The following TSPEAR variants were observed in gnomAD, a reference collection of about 807,000 sequenced individuals.
TSPEAR encodes thrombospondin-type laminin G domain and EAR repeat-containing protein.
In TSPEAR, 69 loss-of-function variants were observed where a neutral mutation model predicts 71.6. That is an observed-to-expected ratio of 0.96 (90% CI 0.79 to 1.18). The LOEUF (loss-of-function observed/expected upper bound fraction) is 1.18, where lower values mean the gene tolerates loss of function less well. TSPEAR is among the 50% of genes most tolerant of loss of function. The probability of loss-of-function intolerance (pLI) is 0.00; values close to 1 mark genes in which losing one functional copy is unlikely to be tolerated. For synonymous variants in TSPEAR, 402 were observed against 387.2 expected, an observed-to-expected ratio of 1.04 and a Z score of -0.45; for missense variants, 971 against 894.9, an observed-to-expected ratio of 1.09 and a Z score of -1.09.
chr21:44,588,639 A>G (rs1269708604), intron 1 of TSPEAR, among the ~76,000 whole-genome samples: 3 of 150,020 alleles, frequency 2.0e-5, no homozygotes, highest in Admixed American at 1.3e-4. Flanking sequence ...ATTCCCATCA[A>G]TCAACGAGTG....
chr21:44,638,480 G>A (rs1339222943), intron 1 of TSPEAR: 6 of 288,588 alleles, frequency 2.1e-5, no homozygotes, highest in African/African-American at 7.3e-5. Context: ...GTGGACCCCC[G>A]GGGGGGCACA....
chr21:44,648,892 C>T (rs151306873), intron 1 of TSPEAR, among the ~76,000 whole-genome samples: 9 of 152,378 alleles, frequency 5.9e-5, no homozygotes, highest in East Asian at 3.9e-4. Context: ...CCGTGCCAGA[C>T]GCAGAGGAGA....
At chr21:44,708,209 G>T (rs1268163443) in intron 1 of TSPEAR, among the ~76,000 whole-genome samples, 1 of 152,114 alleles carries the variant, frequency 6.6e-6, no homozygotes, top group Non-Finnish European at 1.5e-5. Context: ...GGGGACTGCA[G>T]GCTCCTGGTC....
At chr21:44,596,054 C>T (rs1980347419) in intron 1 of TSPEAR, among the ~76,000 whole-genome samples, 1 of 152,156 alleles carries the variant, frequency 6.6e-6, no homozygotes, top group African/African-American at 2.4e-5. Context: ...CTCTGTAGGG[C>T]TGTATTGGAG....
At chr21:44,646,264 C>T (rs1462705926) in intron 1 of TSPEAR, 2 of 714,942 alleles carry the variant, frequency 2.8e-6, no homozygotes, top group South Asian at 4.2e-5. Flanking sequence ...GATAAACCAG[C>T]ATGAATGATG....
chr21:44,648,446 GTT>G (rs1555940716), intron 1 of TSPEAR, among the ~76,000 whole-genome samples: 1 of 152,216 alleles, frequency 6.6e-6, no homozygotes, highest in African/African-American at 2.4e-5. Flanking sequence ...GTCTTCCAGA[GTT>G]TATTCAACCC....
chr21:44,525,720 G>T lies in TSPEAR; in HGVS notation c.1269C>A (p.Ser423Arg). Residue 423 changes from serine to arginine, a missense_variant, in exon 8 of 12, where the codon AGC becomes AGA. By Grantham distance (110) the Ser-to-Arg change is moderately radical (BLOSUM62 -1). Transcript: ENST00000323084. ...CCTCGAAGGCCTCCCAGTCTCGGGCGCTGTGTGTGGCAATGCTCTGATATG... is the reference window on the plus strand; with the variant it reads ...CCTCGAAGGCCTCCCAGTCTCGGGCTCTGTGTGTGGCAATGCTCTGATATG... ...FTPYQSIATHSARDWEAFEVD... is the reference protein window; with the variant it reads ...FTPYQSIATHRARDWEAFEVD... The T allele has an allele frequency of 6.2e-7, 1 of 1,614,182 alleles. No homozygotes were observed. Among genetic ancestry groups the T allele is most frequent in the Non-Finnish European group, 8.5e-7 (1 of 1,180,040 alleles).
intron 1 of TSPEAR, chr21:44,654,672 C>A: frequency 3.3e-6 from 4 of 1,224,390 alleles, no homozygotes; most frequent in Non-Finnish European, 4.5e-6. Flanking sequence ...AGCCTGCTTC[C>A]TTAGGTGGCC....
chr21:44,677,677 C>G, intron 1 of TSPEAR: 1 of 1,408,898 alleles, frequency 7.1e-7, no homozygotes, highest in Admixed American at 1.7e-5. Flanking sequence ...GTTGCTGAAG[C>G]TGGAGTATCT....
chr21:44,704,018 G>A (rs1177045383), intron 1 of TSPEAR, among the ~76,000 whole-genome samples: 2 of 152,218 alleles, frequency 1.3e-5, no homozygotes, highest in African/African-American at 2.4e-5. Flanking sequence ...GCAGGTCTAA[G>A]ATCACCTGGC....
intron 6 of TSPEAR, 120 bp downstream of exon 6, chr21:44,528,332 C>T (rs1262553167): frequency 2.0e-5 from 29 of 1,425,154 alleles, no homozygotes; most frequent in Admixed American, 5.9e-5. Flanking sequence ...CCCAGCCTGA[C>T]GGCCAAGCCT....
chr21:44,661,080 C>T (rs1555943511), intron 1 of TSPEAR, among the ~76,000 whole-genome samples: 1 of 152,144 alleles, frequency 6.6e-6, no homozygotes, highest in African/African-American at 2.4e-5. Flanking sequence ...TCGAGACCAT[C>T]CTGGCTAACA....
chr21:44,707,047 T>C (rs554464968), intron 1 of TSPEAR, among the ~76,000 whole-genome samples: 1 of 152,138 alleles, frequency 6.6e-6, no homozygotes, highest in Non-Finnish European at 1.5e-5. Context: ...CCGGCATCAG[T>C]TGGGGGTTGT....
At chr21:44,651,658 A>G (rs1984800859) in intron 1 of TSPEAR, among the ~76,000 whole-genome samples, 1 of 152,114 alleles carries the variant, frequency 6.6e-6, no homozygotes, top group African/African-American at 2.4e-5. Flanking sequence ...CACTGGGCCC[A>G]CCTGGATAAT....
At chr21:44,576,369 A>T (rs937782787) in intron 1 of TSPEAR, among the ~76,000 whole-genome samples, 5 of 141,376 alleles carry the variant, frequency 3.5e-5, no homozygotes, top group East Asian at 2.1e-4. Flanking sequence ...TGAGGGGGCA[A>T]ACCTCATGGG....
intron 2 of TSPEAR, among the ~76,000 whole-genome samples, chr21:44,564,595 A>G (rs965018072): frequency 3.3e-5 from 5 of 152,192 alleles, no homozygotes; most frequent in African/African-American, 1.2e-4. Flanking sequence ...ATAAATATAA[A>G]CATGTATGGA....
intron 1 of TSPEAR, among the ~76,000 whole-genome samples, chr21:44,698,554 G>T (rs549550633): frequency 6.6e-6 from 1 of 152,262 alleles, no homozygotes; most frequent in East Asian, 1.9e-4. Context: ...GGGGTCACTC[G>T]CAGGCACAGC....
rs145515750 is a variant in TSPEAR at position 44,711,456 on chromosome 21, G to C, written c.59C>G (p.Thr20Arg). ...VLPLAAPGHG[T>R]QGWEPCTDLR... ...ACCTGTGCAGGGCTCCCAACCCTGC[G>C]TGCCGTGGCCGGGGGCCGCCAGGGG... Residue 20 changes from threonine to arginine, a missense_variant, in exon 1 of 12, where the codon ACG (threonine) becomes AGG (arginine). Thr to Arg is a moderately conservative substitution (Grantham distance 71, BLOSUM62 -1). Coordinates refer to ENST00000323084, the MANE Select transcript of TSPEAR (RefSeq NM_144991.3). This position sits in a 1 kb window ranked among gnomAD's most constrained non-coding sequence, Gnocchi z 4.5. 1.2e-5 allele frequency: 20 copies of C among 1,610,216 alleles called. No homozygotes were observed. Among genetic ancestry groups the C allele is most frequent in the African/African-American group, 1.1e-4 (8 of 74,920 alleles).
intron 9 of TSPEAR, among the ~76,000 whole-genome samples, chr21:44,511,335 A>G (rs1244899492): frequency 1.3e-5 from 2 of 150,450 alleles, no homozygotes; most frequent in South Asian, 4.2e-4. Context: ...GCATGCATAC[A>G]CACACAAACA....
Sources: gnomAD v4.1 joint callset for allele counts (sites outside exome capture counted in the v4.1 genomes callset) on GRCh38, gnomAD v4.1.1 for gene constraint, Gnocchi (gnomAD v3.1) non-coding constraint, MANE v1.5 for transcripts, NCBI Gene and HGNC (gene_info 2026-07-23, HGNC 2026-07-21) for gene names.